Variants in SPAG9 observed in about 807,000 individuals in gnomAD.
SPAG9 encodes C-Jun-amino-terminal kinase-interacting protein 4.
SPAG9 carries 35 observed loss-of-function variants against 166.5 expected under a neutral mutation model. That is an observed-to-expected ratio of 0.21 (90% CI 0.16 to 0.28). The LOEUF (loss-of-function observed/expected upper bound fraction) is 0.28. Ranked by LOEUF, SPAG9 falls within the 10% of genes least tolerant of loss-of-function variation. The pLI is 1.00. For synonymous variants in SPAG9, 534 were observed against 565.5 expected, an observed-to-expected ratio of 0.94 and a Z score of 0.79; for missense variants, 1,235 against 1,603.3, an observed-to-expected ratio of 0.77 and a Z score of 3.92.
chr17:50,987,274 T>A, intron 21 of SPAG9, 37 bp from the exon 22 acceptor site: 1 of 1,575,522 alleles, frequency 6.3e-7, no homozygotes, highest in South Asian at 1.2e-5. Flanking sequence ...AATCTGAGTA[T>A]ACTTAACTAT....
At chr17:51,057,511 C>G (rs534179012) in intron 2 of SPAG9, among the ~76,000 whole-genome samples, 6 of 152,160 alleles carry the variant, frequency 3.9e-5, no homozygotes, top group Non-Finnish European at 8.8e-5. Context: ...ATTCTGACAG[C>G]AGATAAATGA....
At chr17:51,093,450 C>A (rs1330740787) in intron 1 of SPAG9, among the ~76,000 whole-genome samples, 4 of 152,016 alleles carry the variant, frequency 2.6e-5, no homozygotes, top group Non-Finnish European at 4.4e-5. Flanking sequence ...CGCCTGTAAT[C>A]CCTGCACTTT....
At chr17:50,971,959 G>A (rs547440356) in intron 28 of SPAG9, among the ~76,000 whole-genome samples, 395 of 151,894 alleles carry the variant, frequency 2.6e-3, no homozygotes, top group Non-Finnish European at 3.9e-3. Flanking sequence ...TAGAGATGGG[G>A]TTTCACCAAG....
chr17:50,979,380 G>GAAAAAAA (rs76167072), intron 26 of SPAG9, among the ~76,000 whole-genome samples: 10 of 76,114 alleles, frequency 1.3e-4, no homozygotes, highest in Admixed American at 1.5e-4. Flanking sequence ...TTGAAAAAAA[G>GAAAAAAA]AAAAAAAAAA....
intron 28 of SPAG9, 50 bp from the exon 29 acceptor site, chr17:50,970,906 C>A: frequency 2.0e-6 from 3 of 1,471,008 alleles, no homozygotes; most frequent in South Asian, 1.2e-5. Context: ...AGAAGGGAGG[C>A]TGTTTTGTTT....
rs191751101 is a variant in SPAG9 at position 51,113,663 on chromosome 17, A to G, written c.303+6691T>C. On this transcript the variant is annotated intron_variant, in intron 1 of 29. Transcript: ENST00000262013. ...CTACTGCACTCCAGCATGGGTGGCA[A>G]AGCAAGACCCCATCTCAAAAAAAAA... is the stretch of plus-strand genomic sequence containing the variant. Among the ~76,000 whole-genome samples, 123 of 143,152 alleles carry G rather than the reference A, an allele frequency of 8.6e-4. 1 individual carries two copies. The Middle Eastern group carries it at 0.011, about 13-fold the overall frequency. The allele number at this position is 143,152 out of a possible 152,430, so 93.9% of individuals were successfully genotyped here.
At position 50,981,442 on chromosome 17, in the gene SPAG9, ATAGC is replaced by A. The variant is rs138041869; in HGVS notation, c.3237+1078_3237+1081del. On this transcript the variant is annotated intron_variant, in intron 25 of 29. Coordinates refer to ENST00000262013, the MANE Select transcript of SPAG9 (RefSeq NM_001130528.3). ...GATGGATGGATGGATAGACAGCCAG[ATAGC>A]TAGCTAATTAGATAGATATAAACAG... Among the ~76,000 whole-genome samples the A allele has an allele frequency of 2.7e-3, 410 of 152,064 alleles. 1 individual carries two copies. The highest frequency in any genetic ancestry group is 9.1e-3 in the African/African-American group (377 of 41,452).
At chr17:51,113,026 GA>G (rs143151944) in intron 1 of SPAG9, among the ~76,000 whole-genome samples, 20 of 144,466 alleles carry the variant, frequency 1.4e-4, no homozygotes, top group African/African-American at 5.1e-4. Context: ...AAACAGTTCA[GA>G]AAAAAAAAAT....
intron 8 of SPAG9, among the ~76,000 whole-genome samples, chr17:51,017,378 G>C (rs1468648413): frequency 2.0e-5 from 3 of 152,176 alleles, no homozygotes; most frequent in African/African-American, 7.2e-5. Context: ...CAGCATAAGA[G>C]AGAGCTAAGA....
At chr17:51,078,835 G>C (rs2048086770) in intron 2 of SPAG9, among the ~76,000 whole-genome samples, 2 of 151,184 alleles carry the variant, frequency 1.3e-5, no homozygotes, top group South Asian at 4.2e-4. Flanking sequence ...TTTTTCTCCA[G>C]TATCTAATTA....
chr17:50,990,823 C>T (rs1046418766), intron 19 of SPAG9, 155 bp from the exon 20 acceptor site: 2 of 590,926 alleles, frequency 3.4e-6, no homozygotes, highest in Non-Finnish European at 6.0e-6. Flanking sequence ...CAAATCTTCA[C>T]AATATGGGAA....
chr17:50,994,358 A>G (rs900957680), intron 18 of SPAG9, among the ~76,000 whole-genome samples: 5 of 152,202 alleles, frequency 3.3e-5, no homozygotes, highest in African/African-American at 7.2e-5. Flanking sequence ...TGTAAGCCCA[A>G]TTAAACCTCT....
chr17:51,095,926 GATAT>G (rs564785941), intron 1 of SPAG9, among the ~76,000 whole-genome samples: 3 of 126,700 alleles, frequency 2.4e-5, no homozygotes, highest in Admixed American at 8.0e-5. Context: ...TATATATAGT[GATAT>G]ATATAGTGAT....
Position 50,998,497 on chromosome 17 carries a change from G to A in SPAG9, c.1785C>T (p.Thr595=). 1 of 1,614,178 alleles carries A rather than the reference G, an allele frequency of 6.2e-7. No individual in the cohort carries two copies. The highest frequency in any genetic ancestry group is 1.1e-5 in the South Asian group (1 of 91,084). ...VTPSVKKRSS[T]LSQLPGDKSK... Reference sequence around the variant, plus strand: ...ACTTATCCCCAGGGAGCTGAGATAAGGTGCTGCTTCTTTTCTTGACGGACG... The same window carrying A: ...ACTTATCCCCAGGGAGCTGAGATAAAGTGCTGCTTCTTTTCTTGACGGACG... Residue 595 remains threonine, a synonymous_variant, in exon 15 of 30, where the codon ACC becomes ACT. Transcript: ENST00000262013.
intron 1 of SPAG9, among the ~76,000 whole-genome samples, chr17:51,110,295 T>C (rs2049069518): frequency 6.6e-6 from 1 of 151,562 alleles, no homozygotes; most frequent in Non-Finnish European, 1.5e-5. Context: ...AAATGACAAA[T>C]GTACTTTCCA....
At chr17:51,107,164 T>A (rs1333112627) in intron 1 of SPAG9, among the ~76,000 whole-genome samples, 1 of 151,584 alleles carries the variant, frequency 6.6e-6, no homozygotes, top group African/African-American at 2.4e-5. Context: ...TTTCTAAGCA[T>A]CTATGTTTCT....
intron 5 of SPAG9, among the ~76,000 whole-genome samples, chr17:51,040,020 A>G (rs1265934552): frequency 1.3e-5 from 2 of 152,116 alleles, no homozygotes; most frequent in Non-Finnish European, 2.9e-5. Flanking sequence ...GGATCACCTG[A>G]GGTCAGGAGT....
intron 1 of SPAG9, among the ~76,000 whole-genome samples, chr17:51,116,855 G>C (rs1482678144): frequency 2.0e-5 from 3 of 152,178 alleles, no homozygotes; most frequent in Non-Finnish European, 4.4e-5. Context: ...GGATGTTCTG[G>C]CTGAAAAAGT....
At chr17:51,011,245 T>C (rs918641171) in intron 9 of SPAG9, among the ~76,000 whole-genome samples, 4 of 151,568 alleles carry the variant, frequency 2.6e-5, no homozygotes, top group African/African-American at 9.7e-5. Flanking sequence ...GAGGATTCCT[T>C]GAGCCTAGGA....
Sources: gnomAD v4.1 joint callset for allele counts (sites outside exome capture counted in the v4.1 genomes callset) on GRCh38, gnomAD v4.1.1 for gene constraint, MANE v1.5 for transcripts, NCBI Gene and HGNC (gene_info 2026-07-23, HGNC 2026-07-21) for gene names.